Variants in PHRF1 observed in about 807,000 individuals in gnomAD.
PHRF1 encodes PHD and ring finger domains 1, also known as PHD and RING finger domain-containing protein 1.
Under a neutral mutation model 128.9 loss-of-function variants are expected in PHRF1, and 53 were observed. The observed-to-expected ratio is 0.41, with a 90% confidence interval of 0.33 to 0.52. The LOEUF is 0.52. Among genes scored for constraint, PHRF1 ranks in the 20% least tolerant of loss-of-function variants. The pLI, the probability that PHRF1 is intolerant of heterozygous loss-of-function variation, is 0.21. For synonymous variants in PHRF1, 1,178 were observed against 980.6 expected, an observed-to-expected ratio of 1.20 and a Z score of -3.76; for missense variants, 2,503 against 2,284.5, an observed-to-expected ratio of 1.10 and a Z score of -1.95.
In PHRF1 at chr11:597,072, C is replaced by T. The variant is rs758460708; in HGVS notation, c.718+52C>T. 27 of 1,558,912 alleles carry T rather than the reference C, an allele frequency of 1.7e-5. No individual in the cohort carries two copies. Among genetic ancestry groups the T allele is most frequent in the Non-Finnish European group, 2.4e-5 (27 of 1,139,232 alleles). On this transcript the variant is annotated intron_variant, in intron 7 of 17. Coordinates refer to ENST00000264555, the MANE Select transcript of PHRF1 (RefSeq NM_001286581.2). The surrounding 1 kb of genome is among the most constrained non-coding windows in gnomAD (Gnocchi z 6.5). ...CGCACATGGGCCTTCTCACTGTCCA[C>T]TCTGCGGTCCCCGGGGTTAGGTTTG...
intron 3 of PHRF1, among the ~76,000 whole-genome samples, chr11:584,831 G>C (rs1406887832): frequency 6.9e-6 from 1 of 144,058 alleles, no homozygotes; most frequent in African/African-American, 2.6e-5. Context: ...TCTGCCTCCC[G>C]GGTTCAAGCG....
Position 598,467 on chromosome 11 carries a change from C to G in PHRF1, c.989C>G (p.Thr330Arg), listed in dbSNP as rs532078426. 1 of 1,610,456 alleles carries G rather than the reference C, an allele frequency of 6.2e-7. No homozygotes were observed. The highest frequency in any genetic ancestry group is 1.7e-5 in the Admixed American group (1 of 59,898). The stretch of plus-strand genomic sequence containing the variant: ...ACTGCCGTGTATCAGCGCCCCCTGA[C>G]GCCGCGCACTCCCGCCCGACGGAAG... ...LSTAVYQRPL[T>R]PRTPARRKRK... The change falls in exon 9 of 18, where the codon ACG (threonine) becomes AGG (arginine). Residue 330 changes from threonine (T) to arginine (R), a missense_variant. Transcript: ENST00000264555.
chr11:582,124 G>T, intron 3 of PHRF1, 43 bp downstream of exon 3: 1 of 1,554,712 alleles, frequency 6.4e-7, no homozygotes. Context: ...GTTTCCTCTT[G>T]TCGTGATGGG....
intron 3 of PHRF1, 141 bp from the exon 4 acceptor site, chr11:587,117 AG>A (rs779309684): frequency 1.8e-5 from 13 of 727,686 alleles, no homozygotes; most frequent in Non-Finnish European, 3.0e-5. Context: ...GTGGACGTGG[AG>A]GTAAGTGGCA....
chr11:605,817 G>C (rs1008282322), intron 12 of PHRF1, 93 bp downstream of exon 12: 33 of 1,456,606 alleles, frequency 2.3e-5, no homozygotes, highest in Admixed American at 8.1e-5. Context: ...CTGGCTCTCT[G>C]TGGCCCTGGG....
intron 8 of PHRF1, among the ~76,000 whole-genome samples, chr11:598,080 C>T (rs910712208): frequency 3.9e-5 from 6 of 152,156 alleles, no homozygotes; most frequent in Admixed American, 6.5e-5. Context: ...AGGGGGCTGT[C>T]CCTGTCCAGT....
At chr11:578,835 G>A (rs1001454552) in intron 1 of PHRF1, among the ~76,000 whole-genome samples, 1 of 152,044 alleles carries the variant, frequency 6.6e-6, no homozygotes, top group Non-Finnish European at 1.5e-5. Flanking sequence ...ACAAGCATGA[G>A]CCACCACGCC....
intron 16 of PHRF1, 62 bp downstream of exon 16, chr11:610,823 G>A (rs553516343): frequency 1.9e-6 from 3 of 1,586,520 alleles, no homozygotes; most frequent in East Asian, 4.5e-5. Context: ...TAAAGTTGTT[G>A]GGGCTGAGTT....
intron 1 of PHRF1, 46 bp from the exon 2 acceptor site, chr11:581,446 G>C: frequency 6.4e-7 from 1 of 1,563,406 alleles, no homozygotes; most frequent in Non-Finnish European, 8.8e-7. Context: ...AGGGTTCTTT[G>C]CAGCCTGGGA....
intron 3 of PHRF1, among the ~76,000 whole-genome samples, chr11:582,735 A>G (rs994860307): frequency 1.3e-5 from 2 of 151,312 alleles, no homozygotes; most frequent in Non-Finnish European, 2.9e-5. Flanking sequence ...CGCGTTAGCC[A>G]GGATGGTCTC....
chr11:601,454 CCGGTG>C (rs1345024893), intron 9 of PHRF1, 115 bp from the exon 10 acceptor site: 1 of 1,382,876 alleles, frequency 7.2e-7, no homozygotes, highest in Admixed American at 2.3e-5. Context: ...AAATTGCAAG[CCGGTG>C]CGTGTGGTCC....
Position 608,565 on chromosome 11 carries a change from G to T in PHRF1, c.3109G>T (p.Val1037Leu). 1.2e-6 allele frequency: 2 copies of T among 1,612,364 alleles called. No homozygotes were observed. The highest frequency in any genetic ancestry group is 1.7e-6 in the Non-Finnish European group (2 of 1,179,824). ...DRSSRSASPS[V>L]GEERPRRQRS... ...GAGCTCGAGGTCAGCGTCACCATCAGTGGGTGAGGAGCGCCCCAGGAGGCA... is the reference window on the plus strand; with the variant it reads ...GAGCTCGAGGTCAGCGTCACCATCATTGGGTGAGGAGCGCCCCAGGAGGCA... Residue 1037 changes from valine (V) to leucine (L), a missense_variant, in exon 14 of 18, where the codon GTG (valine) becomes TTG (leucine). Physicochemically the swap from Val to Leu is conservative, Grantham distance 32 (BLOSUM62 1). Coordinates refer to ENST00000264555, the MANE Select transcript of PHRF1 (RefSeq NM_001286581.2).
At chr11:600,514 A>G (rs1855569722) in intron 9 of PHRF1, among the ~76,000 whole-genome samples, 1 of 146,382 alleles carries the variant, frequency 6.8e-6, no homozygotes, top group Admixed American at 6.9e-5. Context: ...ATATATATAT[A>G]TATATGGTTT....
intron 5 of PHRF1, among the ~76,000 whole-genome samples, chr11:591,984 C>T (rs988057790): frequency 6.0e-5 from 9 of 150,716 alleles, no homozygotes; most frequent in African/African-American, 1.7e-4. Context: ...GGCACAATCT[C>T]GGCTCACTGC....
At chr11:610,451 CAG>C in intron 15 of PHRF1, 48 bp from the exon 16 acceptor site, 4 of 1,572,592 alleles carry the variant, frequency 2.5e-6, no homozygotes, top group Non-Finnish European at 3.5e-6. Context: ...CTCCTGGGCA[CAG>C]AGCTGCTAGC....
At chr11:604,766 G>T (rs995997602) in intron 10 of PHRF1, among the ~76,000 whole-genome samples, 2 of 152,176 alleles carry the variant, frequency 1.3e-5, no homozygotes, top group Non-Finnish European at 2.9e-5. Flanking sequence ...TCTGCCTTGG[G>T]CTCCCAGAAT....
chr11:599,248 C>CTTTTTTTTTTT (rs1855489133), intron 9 of PHRF1, among the ~76,000 whole-genome samples: 2 of 124,734 alleles, frequency 1.6e-5, no homozygotes, highest in Non-Finnish European at 1.7e-5. Flanking sequence ...TTTTTTTTTT[C>CTTTTTTTTTTT]TTTTCTTTTT....
rs1430644877 is a variant in PHRF1, at chr11:605,679, A to G, written c.1409A>G (p.Gln470Arg). 6.2e-7 allele frequency: 1 copy of G among 1,613,370 alleles called. No homozygotes were observed. The highest frequency in any genetic ancestry group is 1.1e-5 in the South Asian group (1 of 91,090). ...KRRALSRSAL[Q>R]SHQPVARPVS... ...CGGGCTCTGTCCCGGTCAGCCCTGC[A>G]GTCCCACCAGCCCGTGGCCAGGCCC... Residue 470 changes from glutamine to arginine, a missense_variant, in exon 12 of 18, where the codon CAG becomes CGG. Gln to Arg is a conservative substitution (Grantham distance 43, BLOSUM62 1). Transcript: ENST00000264555.
chr11:594,495 C>T (rs1242690439), intron 6 of PHRF1, among the ~76,000 whole-genome samples: 3 of 151,418 alleles, frequency 2.0e-5, no homozygotes, highest in African/African-American at 7.3e-5. Flanking sequence ...TCTTGGCTCA[C>T]TGCAACCTCT....
Sources: gnomAD v4.1 joint callset for allele counts (sites outside exome capture counted in the v4.1 genomes callset) on GRCh38, gnomAD v4.1.1 for gene constraint, Gnocchi (gnomAD v3.1) non-coding constraint, MANE v1.5 for transcripts, NCBI Gene and HGNC (gene_info 2026-07-23, HGNC 2026-07-21) for gene names.